The following GPHN variants were observed in gnomAD, a reference collection of about 807,000 sequenced individuals.
The protein encoded by GPHN is gephyrin.
Under a neutral mutation model 95.5 loss-of-function variants are expected in GPHN, and 17 were observed. The observed-to-expected ratio is 0.18, with a 90% CI of 0.12 to 0.27. GPHN has a LOEUF of 0.27. GPHN is among the 10% of genes least tolerant of loss of function. The probability of loss-of-function intolerance (pLI) is 1.00; values close to 1 mark genes in which losing one functional copy is unlikely to be tolerated. For missense variants in GPHN, 660 were observed against 978.1 expected (o/e 0.67, Z 4.34); for synonymous variants, 320 against 322.5 (o/e 0.99, Z 0.08).
the GPHN span, among the ~76,000 whole-genome samples, chr14:67,234,030 GACAA>G: frequency 2.6e-5 from 4 of 152,120 alleles, no homozygotes; most frequent in Non-Finnish European, 4.4e-5. Context: ...TAAAAATAAA[GACAA>G]ACAGTTAATA....
intron 1 of GPHN, among the ~76,000 whole-genome samples, chr14:66,542,813 A>G (rs2059402153): frequency 6.6e-6 from 1 of 152,216 alleles, no homozygotes; most frequent in African/African-American, 2.4e-5. Flanking sequence ...TTTTAAATCC[A>G]GTATAATTAG....
intron 12 of GPHN, among the ~76,000 whole-genome samples, chr14:67,089,429 A>G (rs755886454): frequency 1.9e-4 from 29 of 152,080 alleles, no homozygotes; most frequent in Non-Finnish European, 3.5e-4. Flanking sequence ...TAATAATCAC[A>G]TCAGGGTAAA....
intron 19 of GPHN, among the ~76,000 whole-genome samples, chr14:67,164,443 A>T (rs2082154682): frequency 6.6e-6 from 1 of 152,164 alleles, no homozygotes; most frequent in Non-Finnish European, 1.5e-5. Flanking sequence ...AGGTTAAAAA[A>T]TACTCATTTT....
At chr14:66,965,997 G>A (rs1047758705) in intron 9 of GPHN, among the ~76,000 whole-genome samples, 3 of 151,974 alleles carry the variant, frequency 2.0e-5, no homozygotes, top group Non-Finnish European at 4.4e-5. Context: ...TTACTGCTGT[G>A]ACTACTTTCT....
the GPHN span, chr14:67,392,867 C>T: frequency 6.3e-7 from 1 of 1,595,240 alleles, no homozygotes; most frequent in African/African-American, 1.3e-5. Flanking sequence ...AGGGCAGCAC[C>T]AGTCAGGCGA....
chr14:67,367,733 G>A, the GPHN span, among the ~76,000 whole-genome samples: 3 of 151,998 alleles, frequency 2.0e-5, no homozygotes, highest in Non-Finnish European at 4.4e-5. Context: ...CTTCTCGGGC[G>A]GCTGAGGTAG....
intron 1 of GPHN, among the ~76,000 whole-genome samples, chr14:66,648,123 G>A (rs1407784147): frequency 6.6e-6 from 1 of 152,256 alleles, no homozygotes; most frequent in African/African-American, 2.4e-5. Context: ...GCTTTTAACT[G>A]TGTTCACTTG....
At chr14:67,571,905 A>G in the GPHN span, 4 of 1,606,140 alleles carry the variant, frequency 2.5e-6, no homozygotes, top group Non-Finnish European at 3.4e-6. Context: ...CAAGAGAGGT[A>G]CAGAGAAGGG....
chr14:67,673,614 G>C, the GPHN span, among the ~76,000 whole-genome samples: 1 of 152,282 alleles, frequency 6.6e-6, no homozygotes, highest in East Asian at 1.9e-4. Context: ...ATTCTCACCA[G>C]TCATTCAATT....
intron 3 of GPHN, chr14:66,822,990 G>A (rs139200538): frequency 5.1e-4 from 77 of 152,218 alleles, no homozygotes; most frequent in African/African-American, 1.7e-3. Flanking sequence ...GGTATCAACC[G>A]TGGTTTTGTT....
chr14:67,429,135 G>A, the GPHN span, among the ~76,000 whole-genome samples: 1 of 152,046 alleles, frequency 6.6e-6, no homozygotes, highest in Non-Finnish European at 1.5e-5. Flanking sequence ...GACTAAAATG[G>A]GATCATTGTG....
chr14:66,786,222 T>A (rs2059769355), intron 3 of GPHN, among the ~76,000 whole-genome samples: 1 of 151,950 alleles, frequency 6.6e-6, no homozygotes, highest in Admixed American at 6.6e-5. Flanking sequence ...ACAGATCTTC[T>A]ATTCTTTAAA....
At chr14:67,052,072 G>C (rs1029399776) in intron 10 of GPHN, among the ~76,000 whole-genome samples, 2 of 152,094 alleles carry the variant, frequency 1.3e-5, no homozygotes, top group Non-Finnish European at 2.9e-5. Context: ...AAAATAACCA[G>C]CTAGCATCAT....
rs529977319 is a variant in GPHN at position 67,111,794 on chromosome 14, A to G, written c.1414-67A>G. On this transcript the variant is annotated intron_variant, in intron 14 of 22. Coordinates refer to ENST00000478722, the MANE Select transcript of GPHN (RefSeq NM_020806.5). Reference sequence around the variant, plus strand: ...CCTGGGCCTATCTGATGGTAAAAGTATCGGAGTAACTAAATTCTACTGCTC... The same window carrying G: ...CCTGGGCCTATCTGATGGTAAAAGTGTCGGAGTAACTAAATTCTACTGCTC... The G allele has an allele frequency of 3.6e-5, 42 of 1,160,450 alleles. 1 individual carries two copies. In the South Asian group the frequency reaches 4.9e-4, roughly 14 times the overall value. 71.9% of individuals were successfully genotyped at this position (1,160,450 alleles called of 1,614,324 possible).
chr14:67,058,606 G>C, intron 10 of GPHN, 43 bp from the exon 11 acceptor site: 1 of 1,561,880 alleles, frequency 6.4e-7, no homozygotes. Flanking sequence ...TTTTTAATCA[G>C]TGTTACAGCA....
chr14:67,426,189 G>C, the GPHN span, among the ~76,000 whole-genome samples: 1 of 152,068 alleles, frequency 6.6e-6, no homozygotes, highest in Non-Finnish European at 1.5e-5. Context: ...TTCCTGCGGA[G>C]AGACAAGCAG....
At chr14:67,377,894 G>A in the GPHN span, among the ~76,000 whole-genome samples, 1 of 151,750 alleles carries the variant, frequency 6.6e-6, no homozygotes, top group Non-Finnish European at 1.5e-5. Flanking sequence ...GATTGCTTGA[G>A]GCCAGGAGTT....
the GPHN span, among the ~76,000 whole-genome samples, chr14:67,287,214 A>G: frequency 6.6e-6 from 1 of 152,070 alleles, no homozygotes. Context: ...GCGAAACCCT[A>G]TCTCAAAAAC....
At chr14:67,342,217 ATAAAAT>A in the GPHN span, among the ~76,000 whole-genome samples, 85 of 116,112 alleles carry the variant, frequency 7.3e-4, no homozygotes, top group African/African-American at 2.0e-3. Context: ...AATAAATAAA[ATAAAAT>A]AAAAAAAAAC....
Sources: allele counts gnomAD v4.1 joint callset (sites outside exome capture counted in the v4.1 genomes callset), GRCh38; gene constraint gnomAD v4.1.1; transcripts MANE v1.5; gene names NCBI Gene and HGNC (gene_info 2026-07-23, HGNC 2026-07-21).